The following PTGER2 variants were observed in gnomAD, a reference collection of about 807,000 sequenced individuals.
PTGER2 encodes the protein prostaglandin E receptor 2.
PTGER2 carries 22 observed loss-of-function variants against 26.2 expected under a neutral mutation model. The observed-to-expected ratio is 0.84, with a 90% CI of 0.60 to 1.20. The LOEUF is 1.20. Among genes scored for constraint, PTGER2 ranks in the 50% most tolerant of loss-of-function variants. The pLI is 0.00. For missense variants in PTGER2, 458 were observed against 475.2 expected (o/e 0.96, Z 0.34); for synonymous variants, 219 against 208.9 (o/e 1.05, Z -0.42).
intron 1 of PTGER2, among the ~76,000 whole-genome samples, chr14:52,317,755 C>T (rs779797466): frequency 1.3e-5 from 2 of 152,182 alleles, no homozygotes; most frequent in Non-Finnish European, 2.9e-5. Context: ...CCCAAAGAGC[C>T]GGAGAAAATC....
chr14:52,314,356 C>G lies in PTGER2; in HGVS notation c.-193C>G. 5 of 571,090 alleles carry G rather than the reference C, an allele frequency of 8.8e-6. No individual in the cohort carries two copies. The highest frequency in any genetic ancestry group is 1.0e-5 in the Non-Finnish European group (4 of 388,468). 35.4% of individuals were successfully genotyped at this position (571,090 alleles called of 1,614,324 possible). On this transcript the variant is annotated 5_prime_UTR_variant, in exon 1 of 2. Coordinates refer to ENST00000245457, the MANE Select transcript of PTGER2 (RefSeq NM_000956.4). This position sits in a 1 kb window ranked among gnomAD's most constrained non-coding sequence, Gnocchi z 5.7. ...TCGAGCGCCGCTCGGATGCAGCAGC[C>G]GAGCCGCCACTCGGCGCGCGGCGGG... is the stretch of plus-strand genomic sequence containing the variant.
chr14:52,327,497 A>T lies in PTGER2; in HGVS notation c.*43A>T. On this transcript the variant is annotated 3_prime_UTR_variant, in exon 2 of 2. Transcript: ENST00000245457. ...TTCTTAGTTATATAGCATCTGGAAG[A>T]TCATTTTGAAATTGTTCCTTGGAGA... 7.0e-7 allele frequency: 1 copy of T among 1,437,932 alleles called. No individual in the cohort carries two copies. The highest frequency in any genetic ancestry group is 1.4e-5 in the African/African-American group (1 of 69,996). 89.1% of individuals were successfully genotyped at this position (1,437,932 alleles called of 1,614,324 possible). A position where few individuals can be genotyped will look rare whatever the true frequency, so the allele number is the denominator to read the frequency against.
intron 1 of PTGER2, 27 bp downstream of exon 1, chr14:52,315,418 C>T: frequency 6.2e-7 from 1 of 1,608,420 alleles, no homozygotes; most frequent in Non-Finnish European, 8.5e-7. Flanking sequence ...GTTTCCACAG[C>T]CCGGCTCTGC....
intron 1 of PTGER2, among the ~76,000 whole-genome samples, chr14:52,325,350 G>A (rs1023246034): frequency 1.3e-5 from 2 of 152,174 alleles, no homozygotes; most frequent in African/African-American, 4.8e-5. Flanking sequence ...CTGAAAACCT[G>A]ACTCATCTTA....
chr14:52,324,534 G>T (rs959243931), intron 1 of PTGER2, among the ~76,000 whole-genome samples: 1 of 152,156 alleles, frequency 6.6e-6, no homozygotes, highest in Admixed American at 6.5e-5. Flanking sequence ...AGCTAGCCCC[G>T]GAGGGGCATT....
chr14:52,326,854 T>C (rs1168616822), intron 1 of PTGER2, among the ~76,000 whole-genome samples: 1 of 152,236 alleles, frequency 6.6e-6, no homozygotes, highest in Non-Finnish European at 1.5e-5. Flanking sequence ...TATTAGGTTA[T>C]TGATACACTG....
chr14:52,314,420 G>T lies in PTGER2; in HGVS notation c.-129G>T, dbSNP rs1367561062. The T allele has an allele frequency of 2.9e-5, 33 of 1,132,392 alleles. No individual in the cohort carries two copies. Among genetic ancestry groups the T allele is most frequent in the Non-Finnish European group, 3.6e-5 (32 of 879,458 alleles). 70.1% of individuals were successfully genotyped at this position (1,132,392 alleles called of 1,614,324 possible). The stretch of plus-strand genomic sequence containing the variant: ...GCCGCCGTCGGCGCGCTGGGTGCGG[G>T]AAGGGGGCTCTGGATTTCGGTCCCT... On this transcript the variant is annotated 5_prime_UTR_variant, in exon 1 of 2. Coordinates refer to ENST00000245457, the MANE Select transcript of PTGER2 (RefSeq NM_000956.4). This position sits in a 1 kb window ranked among gnomAD's most constrained non-coding sequence, Gnocchi z 5.7.
chr14:52,322,503 A>C (rs1408524895), intron 1 of PTGER2, among the ~76,000 whole-genome samples: 1 of 152,212 alleles, frequency 6.6e-6, no homozygotes, highest in Non-Finnish European at 1.5e-5. Context: ...GTCTATGTTC[A>C]GTGGTGCACG....
chr14:52,318,779 G>A (rs936153507), intron 1 of PTGER2, among the ~76,000 whole-genome samples: 1 of 152,138 alleles, frequency 6.6e-6, no homozygotes, highest in African/African-American at 2.4e-5. Flanking sequence ...GCCAGTCTAG[G>A]GCTTCCAAAA....
At chr14:52,322,548 C>T (rs1487519008) in intron 1 of PTGER2, among the ~76,000 whole-genome samples, 1 of 152,116 alleles carries the variant, frequency 6.6e-6, no homozygotes, top group Admixed American at 6.6e-5. Context: ...CAACAGAAAA[C>T]AGGGTTCGAG....
At chr14:52,315,507 T>A in intron 1 of PTGER2, 116 bp downstream of exon 1, 1 of 1,346,720 alleles carries the variant, frequency 7.4e-7, no homozygotes, top group Non-Finnish European at 1.0e-6. Flanking sequence ...TAAAAATATG[T>A]CCTAATTTGT....
intron 1 of PTGER2, among the ~76,000 whole-genome samples, chr14:52,320,081 A>G (rs2033880007): frequency 6.6e-6 from 1 of 152,234 alleles, no homozygotes; most frequent in African/African-American, 2.4e-5. Context: ...AGACATCTCT[A>G]CGTATAACCA....
At position 52,315,530 on chromosome 14, in the gene PTGER2, C is replaced by G. The variant is rs911156067; in HGVS notation, c.843+139C>G. The G allele has an allele frequency of 2.0e-5, 24 of 1,200,996 alleles. No individual in the cohort carries two copies. The South Asian group carries it at 2.9e-4, about 15-fold the overall frequency. The allele number at this position is 1,200,996 out of a possible 1,614,324, so 74.4% of individuals were successfully genotyped here. A position where few individuals can be genotyped will look rare whatever the true frequency, so the allele number is the denominator to read the frequency against. ...TGTCCTAATTTGTAAAGATCTGTAG[C>G]CTTCCCCACTAGTTTCCCCTCCTCT... On this transcript the variant is annotated intron_variant, in intron 1 of 1. Transcript: ENST00000245457.
chr14:52,320,508 G>C (rs1426543158), intron 1 of PTGER2, among the ~76,000 whole-genome samples: 1 of 152,090 alleles, frequency 6.6e-6, no homozygotes, highest in African/African-American at 2.4e-5. Flanking sequence ...ACCAATCACA[G>C]TATTAAGTTT....
At position 52,314,400 on chromosome 14, in the gene PTGER2, C is replaced by G. The variant is rs1241422166; in HGVS notation, c.-149C>G. On this transcript the variant is annotated 5_prime_UTR_variant, in exon 1 of 2. Transcript: ENST00000245457. This position sits in a 1 kb window ranked among gnomAD's most constrained non-coding sequence, Gnocchi z 5.7. The stretch of plus-strand genomic sequence containing the variant: ...CGGCGGGAGACCCAGGGCAAGCCGC[C>G]GTCGGCGCGCTGGGTGCGGGAAGGG... 6 of 983,864 alleles carry G rather than the reference C, an allele frequency of 6.1e-6. No individual in the cohort carries two copies. The highest frequency in any genetic ancestry group is 7.9e-6 in the Non-Finnish European group (6 of 755,186). The allele number at this position is 983,864 out of a possible 1,614,324, so 60.9% of individuals were successfully genotyped here.
Position 52,327,663 on chromosome 14 carries a change from G to A in PTGER2, c.*209G>A, listed in dbSNP as rs17197. On this transcript the variant is annotated 3_prime_UTR_variant, in exon 2 of 2. Transcript: ENST00000245457. ...GAAGGAGCTACAAAACCTACCCTCA[G>A]TGAGCATGGTACTTGGCCTTTGGAG... 0.8 allele frequency: 402,420 copies of A among 504,474 alleles called. 164,101 individuals are homozygous for A. The highest frequency in any genetic ancestry group is 0.87 in the Non-Finnish European group (250,133 of 286,336). 31.2% of individuals were successfully genotyped at this position (504,474 alleles called of 1,614,324 possible).
At chr14:52,325,440 G>A (rs2033940441) in intron 1 of PTGER2, among the ~76,000 whole-genome samples, 1 of 152,266 alleles carries the variant, frequency 6.6e-6, no homozygotes, top group South Asian at 2.1e-4. Context: ...ATGTTCTCTG[G>A]TTAAACTAGA....
At chr14:52,320,619 G>A (rs1230579320) in intron 1 of PTGER2, among the ~76,000 whole-genome samples, 1 of 152,180 alleles carries the variant, frequency 6.6e-6, no homozygotes, top group African/African-American at 2.4e-5. Flanking sequence ...AACTCAGTCT[G>A]CTCAGTTGGC....
intron 1 of PTGER2, among the ~76,000 whole-genome samples, chr14:52,318,234 G>C (rs2033860628): frequency 6.6e-6 from 1 of 152,164 alleles, no homozygotes; most frequent in Admixed American, 6.5e-5. Context: ...GGGGGCTCTA[G>C]AAGCAAAGGT....
Sources: gnomAD v4.1 joint callset for allele counts (sites outside exome capture counted in the v4.1 genomes callset) on GRCh38, gnomAD v4.1.1 for gene constraint, Gnocchi (gnomAD v3.1) non-coding constraint, MANE v1.5 for transcripts, NCBI Gene and HGNC (gene_info 2026-07-23, HGNC 2026-07-21) for gene names.